ITGBL1: variants seen among roughly 807,000 people sequenced by gnomAD.
ITGBL1 encodes the protein integrin subunit beta like 1.
A neutral mutation model predicts 68.5 loss-of-function variants in ITGBL1; 51 were observed. The ratio of observed to expected loss-of-function variants is 0.74; its 90% CI spans 0.59 to 0.94. The LOEUF (loss-of-function observed/expected upper bound fraction) is 0.94. ITGBL1 is among the 40% of genes least tolerant of loss of function. The pLI is 0.00. For missense variants in ITGBL1, 649 were observed against 647.4 expected, an observed-to-expected ratio of 1.00 and a Z score of -0.03; for synonymous variants, 209 against 227.3, an observed-to-expected ratio of 0.92 and a Z score of 0.72.
intron 7 of ITGBL1, among the ~76,000 whole-genome samples, chr13:101,666,631 G>T (rs2033225851): frequency 6.6e-6 from 1 of 151,414 alleles, no homozygotes; most frequent in South Asian, 2.1e-4. Context: ...ATTTTTGTTT[G>T]GTTACATGTG....
At chr13:101,456,935 T>C (rs2048251693) in intron 2 of ITGBL1, among the ~76,000 whole-genome samples, 1 of 152,146 alleles carries the variant, frequency 6.6e-6, no homozygotes, top group African/African-American at 2.4e-5. Context: ...GTGTGGACTC[T>C]GGGAGACAAT....
intron 2 of ITGBL1, among the ~76,000 whole-genome samples, chr13:101,456,552 G>T (rs906954507): frequency 6.6e-6 from 1 of 152,172 alleles, no homozygotes; most frequent in Non-Finnish European, 1.5e-5. Flanking sequence ...AACTTTCGGA[G>T]ACCTCTCCAA....
At chr13:101,701,468 G>A (rs1031451872) in intron 8 of ITGBL1, among the ~76,000 whole-genome samples, 64 of 152,074 alleles carry the variant, frequency 4.2e-4, no homozygotes, top group Non-Finnish European at 8.8e-5. Context: ...GGGAGTCGGA[G>A]GGTGCAGTGA....
chr13:101,718,092 G>T (rs1361699391), downstream of ITGBL1: 1 of 152,100 alleles, frequency 6.6e-6, no homozygotes, highest in Non-Finnish European at 1.5e-5. Context: ...CTCTGTTCTA[G>T]TGTTCATTTA....
chr13:101,553,299 G>T (rs958045706), intron 2 of ITGBL1, among the ~76,000 whole-genome samples: 11 of 152,140 alleles, frequency 7.2e-5, no homozygotes, highest in Non-Finnish European at 1.0e-4. Context: ...CCCTGGGTAT[G>T]TCAGGTACAA....
chr13:101,603,856 C>G (rs1442333558), intron 7 of ITGBL1, among the ~76,000 whole-genome samples: 1 of 151,772 alleles, frequency 6.6e-6, no homozygotes, highest in Admixed American at 6.6e-5. Context: ...ACTTTAGGTA[C>G]AGTGATTTTT....
intron 7 of ITGBL1, among the ~76,000 whole-genome samples, chr13:101,659,822 T>A (rs1362945831): frequency 6.6e-6 from 1 of 152,100 alleles, no homozygotes; most frequent in Admixed American, 6.5e-5. Context: ...TGTGTAGGAG[T>A]GCAGATGCCA....
At chr13:101,655,905 G>A (rs2139464789) in intron 7 of ITGBL1, among the ~76,000 whole-genome samples, 1 of 152,266 alleles carries the variant, frequency 6.6e-6, no homozygotes, top group East Asian at 1.9e-4. Context: ...AGTCGCCATG[G>A]CCCATGACAC....
chr13:101,637,043 A>G (rs1363693614), intron 7 of ITGBL1, among the ~76,000 whole-genome samples: 2 of 152,206 alleles, frequency 1.3e-5, no homozygotes, highest in Non-Finnish European at 2.9e-5. Context: ...ATGGGTATTC[A>G]TTAGACTATT....
intron 2 of ITGBL1, among the ~76,000 whole-genome samples, chr13:101,557,242 T>G (rs2139226633): frequency 6.6e-6 from 1 of 152,340 alleles, no homozygotes. Context: ...GAAAAACATT[T>G]TCAACACTGG....
At chr13:101,621,041 CCTTT>C (rs2031558745) in intron 7 of ITGBL1, among the ~76,000 whole-genome samples, 1 of 152,080 alleles carries the variant, frequency 6.6e-6, no homozygotes, top group Non-Finnish European at 1.5e-5. Flanking sequence ...TGTGATTCAG[CCTTT>C]CTTTATATCA....
chr13:101,670,006 T>C (rs907786422), intron 7 of ITGBL1, among the ~76,000 whole-genome samples: 1 of 152,192 alleles, frequency 6.6e-6, no homozygotes, highest in Non-Finnish European at 1.5e-5. Flanking sequence ...CTGCCTTTTT[T>C]TCCCCCTCCA....
At chr13:101,506,388 TC>T (rs1391294304) in intron 2 of ITGBL1, among the ~76,000 whole-genome samples, 3 of 152,194 alleles carry the variant, frequency 2.0e-5, no homozygotes. Flanking sequence ...GGGATAACTT[TC>T]TAGAGTAATG....
At chr13:101,564,013 A>G (rs1269779705) in intron 2 of ITGBL1, among the ~76,000 whole-genome samples, 1 of 151,938 alleles carries the variant, frequency 6.6e-6, no homozygotes, top group Non-Finnish European at 1.5e-5. Context: ...TAAAAAATCA[A>G]CCAATGTATT....
At chr13:101,661,562 A>G (rs775044743) in intron 7 of ITGBL1, among the ~76,000 whole-genome samples, 4 of 152,192 alleles carry the variant, frequency 2.6e-5, no homozygotes, top group Non-Finnish European at 5.9e-5. Flanking sequence ...ATTACTTCCT[A>G]TAAGTCCAGT....
At chr13:101,595,657 T>A (rs2029917127) in intron 6 of ITGBL1, among the ~76,000 whole-genome samples, 1 of 152,204 alleles carries the variant, frequency 6.6e-6, no homozygotes, top group South Asian at 2.1e-4. Flanking sequence ...AAATATGACC[T>A]CACAACTGTT....
At chr13:101,575,285 A>G in intron 3 of ITGBL1, 139 bp from the exon 4 acceptor site, 1 of 793,258 alleles carries the variant, frequency 1.3e-6, no homozygotes, top group East Asian at 2.6e-5. Context: ...GCTTTACCTC[A>G]CCATGCCCAC....
intron 8 of ITGBL1, among the ~76,000 whole-genome samples, chr13:101,702,628 C>A (rs896894626): frequency 6.6e-6 from 1 of 151,836 alleles, no homozygotes; most frequent in East Asian, 1.9e-4. Context: ...TTTTTCTATG[C>A]AATACAGATT....
intron 7 of ITGBL1, among the ~76,000 whole-genome samples, chr13:101,686,399 CT>C (rs2033755816): frequency 6.6e-6 from 1 of 152,076 alleles, no homozygotes; most frequent in South Asian, 2.1e-4. Context: ...AGGCAGTTCA[CT>C]GTTAGTGGGA....
Sources: gnomAD v4.1 joint callset for allele counts (sites outside exome capture counted in the v4.1 genomes callset) on GRCh38, gnomAD v4.1.1 for gene constraint, MANE v1.5 for transcripts, NCBI Gene and HGNC (gene_info 2026-07-23, HGNC 2026-07-21) for gene names.